The following CDH4 variants were observed in gnomAD, a reference collection of about 807,000 sequenced individuals.
The protein encoded by CDH4 is cadherin 4, also known as cadherin-4.
In CDH4, 33 loss-of-function variants were observed where a neutral mutation model predicts 86.0. That is an observed-to-expected ratio of 0.38 (90% CI 0.29 to 0.51). CDH4 has a LOEUF of 0.51. Among genes scored for constraint, CDH4 ranks in the 20% least tolerant of loss-of-function variants. The pLI is 0.86. For synonymous variants in CDH4, 555 were observed against 549.4 expected (o/e 1.01, Z -0.14); for missense variants, 1,114 against 1,307.4 (o/e 0.85, Z 2.28).
At chr20:61,824,043 A>G (rs909307118) in intron 4 of CDH4, among the ~76,000 whole-genome samples, 1 of 152,118 alleles carries the variant, frequency 6.6e-6, no homozygotes, top group African/African-American at 2.4e-5. Flanking sequence ...ACGTCAGCCT[A>G]TTTTCTTTTT....
At chr20:61,439,731 C>G (rs905990267) in intron 2 of CDH4, among the ~76,000 whole-genome samples, 1 of 152,226 alleles carries the variant, frequency 6.6e-6, no homozygotes, top group Non-Finnish European at 1.5e-5. Flanking sequence ...GGCATAAGCC[C>G]CTCCCTCTGA....
At chr20:61,353,079 G>A (rs950581149) in intron 2 of CDH4, among the ~76,000 whole-genome samples, 2 of 152,150 alleles carry the variant, frequency 1.3e-5, no homozygotes, top group African/African-American at 4.8e-5. Flanking sequence ...CGCCACAGGG[G>A]CTCTCGCCTG....
At chr20:61,633,049 T>A (rs1253426680) in intron 2 of CDH4, among the ~76,000 whole-genome samples, 1 of 150,840 alleles carries the variant, frequency 6.6e-6, no homozygotes, top group African/African-American at 2.4e-5. Context: ...TATCCATCCA[T>A]CCATCTCTTC....
chr20:61,691,336 T>C (rs1417920342), intron 2 of CDH4, among the ~76,000 whole-genome samples: 1 of 151,658 alleles, frequency 6.6e-6, no homozygotes, highest in African/African-American at 2.4e-5. Context: ...AGTGGATGTG[T>C]GTATGTGTGT....
intron 3 of CDH4, among the ~76,000 whole-genome samples, chr20:61,765,937 C>T (rs1028587911): frequency 2.0e-5 from 3 of 152,092 alleles, no homozygotes; most frequent in Non-Finnish European, 4.4e-5. Context: ...GAATGCCGGA[C>T]TCTGATTGGC....
In CDH4 at chr20:61,937,156, C is replaced by G. The variant is rs1269178693; in HGVS notation, c.*213C>G. Reference sequence around the variant, plus strand: ...CTGCCCAGCACCGCGCTGGCTGGCACTGAAGGACAGCAAGAGGCACTCTGT... The same window carrying G: ...CTGCCCAGCACCGCGCTGGCTGGCAGTGAAGGACAGCAAGAGGCACTCTGT... On this transcript the variant is annotated 3_prime_UTR_variant, in exon 16 of 16. Coordinates refer to ENST00000614565, the MANE Select transcript of CDH4 (RefSeq NM_001794.5). The G allele has an allele frequency of 4.7e-5, 14 of 297,060 alleles. No individual in the cohort carries two copies. The Admixed American group carries it at 7.7e-4, about 16-fold the overall frequency. 18.4% of individuals were successfully genotyped at this position (297,060 alleles called of 1,614,324 possible). A position where few individuals can be genotyped will look rare whatever the true frequency, so the allele number is the denominator to read the frequency against.
chr20:61,609,695 T>G (rs1285893825), intron 2 of CDH4, among the ~76,000 whole-genome samples: 1 of 152,198 alleles, frequency 6.6e-6, no homozygotes, highest in East Asian at 1.9e-4. Flanking sequence ...CCTCGTGTCT[T>G]CCCTAATCCA....
At chr20:61,852,710 G>A (rs764140041) in intron 5 of CDH4, 44 bp from the exon 6 acceptor site, 1 of 1,589,208 alleles carries the variant, frequency 6.3e-7, no homozygotes, top group Non-Finnish European at 8.6e-7. Flanking sequence ...AGCTGAGTGG[G>A]GGTGCCCACC....
intron 3 of CDH4, among the ~76,000 whole-genome samples, chr20:61,755,711 C>T (rs946957813): frequency 7.0e-6 from 1 of 143,528 alleles, no homozygotes; most frequent in Non-Finnish European, 1.6e-5. Flanking sequence ...ATACCACATA[C>T]ATGAATCGCA....
chr20:61,599,861 C>T lies in CDH4; in HGVS notation c.170-143702C>T, dbSNP rs545933715. 53 of 985,582 alleles carry T rather than the reference C, an allele frequency of 5.4e-5. 2 individuals are homozygous for T. The South Asian group carries it at 2.3e-3, about 44-fold the overall frequency. 61.1% of individuals were successfully genotyped at this position (985,582 alleles called of 1,614,324 possible). On this transcript the variant is annotated intron_variant, in intron 2 of 15. Transcript: ENST00000614565. ...GAAGCCCGCTTCCCTTCGCCGCACA[C>T]AACACAGGAGCAATCTTCTCAGCCG...
rs2055244285 is a variant in CDH4, at chr20:61,940,019, G to A, written c.*3076G>A. ...GCCGACACACACAGTCCACTGAGAT[G>A]ATAATTCTGTTCTCTCCAAAGCAAA... On this transcript the variant is annotated 3_prime_UTR_variant, in exon 16 of 16. Transcript: ENST00000614565. 1 of 152,256 alleles carries A rather than the reference G, an allele frequency of 6.6e-6. No individual in the cohort carries two copies. Among genetic ancestry groups the A allele is most frequent in the Non-Finnish European group, 1.5e-5 (1 of 68,058 alleles). The allele number at this position is 152,256 out of a possible 1,614,324, so 9.4% of individuals were successfully genotyped here. A position where few individuals can be genotyped will look rare whatever the true frequency, so the allele number is the denominator to read the frequency against.
intron 4 of CDH4, among the ~76,000 whole-genome samples, chr20:61,826,859 G>A (rs1981340910): frequency 1.3e-5 from 2 of 152,112 alleles, no homozygotes; most frequent in African/African-American, 2.4e-5. Context: ...AGGTTCTGCA[G>A]TCCACAGAGA....
At position 61,731,132 on chromosome 20, in the gene CDH4, T is replaced by C. The variant is rs571563617; in HGVS notation, c.170-12431T>C. Reference sequence around the variant, plus strand: ...GGCCCATCACGGCAGGGTCCTCTCATCTGCAGAGCATGAGGGCGTCCGAGT... The same window carrying C: ...GGCCCATCACGGCAGGGTCCTCTCACCTGCAGAGCATGAGGGCGTCCGAGT... On this transcript the variant is annotated intron_variant, in intron 2 of 15. Transcript: ENST00000614565. 9.9e-4 allele frequency among the ~76,000 whole-genome samples: 150 copies of C among 152,132 alleles called. 1 individual carries two copies. The highest frequency in any genetic ancestry group is 3.4e-3 in the African/African-American group (141 of 41,518).
rs370796853 is a variant in CDH4 at position 61,530,137 on chromosome 20, A to T, written c.170-213426A>T. Among the ~76,000 whole-genome samples the T allele has an allele frequency of 2.0e-4, 30 of 152,240 alleles. 1 individual carries two copies. In the East Asian group the frequency reaches 4.8e-3, roughly 25 times the overall value. ...AACCTCCGCCTCCCAGGTTCAAGCG[A>T]TTCTCCTGCCTCAGCCTCCTGAGTA... On this transcript the variant is annotated intron_variant, in intron 2 of 15. Coordinates refer to ENST00000614565, the MANE Select transcript of CDH4 (RefSeq NM_001794.5).
chr20:61,494,044 C>A (rs1163684965), intron 2 of CDH4, among the ~76,000 whole-genome samples: 1 of 152,180 alleles, frequency 6.6e-6, no homozygotes, highest in East Asian at 1.9e-4. Flanking sequence ...AAAGAGCAGG[C>A]TGGGGAGAAA....
rs1008094191 is a variant in CDH4, at chr20:61,623,206, G to A, written c.170-120357G>A. Among the ~76,000 whole-genome samples the A allele has an allele frequency of 1.3e-5, 2 of 152,086 alleles. No individual in the cohort carries two copies. Among genetic ancestry groups the A allele is most frequent in the South Asian group, 4.2e-4 (2 of 4,818 alleles). ...AATCTCGACCCTGCCTATGCCAGCC[G>A]CTGGCTCACCCCACCTGCCACGCTG... On this transcript the variant is annotated intron_variant, in intron 2 of 15. Coordinates refer to ENST00000614565, the MANE Select transcript of CDH4 (RefSeq NM_001794.5). This position sits in a 1 kb window ranked among gnomAD's most constrained non-coding sequence, Gnocchi z 4.4.
At chr20:61,304,787 G>A (rs1371508949) in intron 2 of CDH4, among the ~76,000 whole-genome samples, 1 of 151,824 alleles carries the variant, frequency 6.6e-6, no homozygotes, top group East Asian at 1.9e-4. Flanking sequence ...GTGTGTGTGT[G>A]TGCAATGCAT....
At position 61,285,630 on chromosome 20, in the gene CDH4, C is replaced by T. The variant is rs542924769; in HGVS notation, c.169+30693C>T. Among the ~76,000 whole-genome samples the T allele has an allele frequency of 1.6e-4, 24 of 152,336 alleles. 1 individual carries two copies. The South Asian group carries it at 5.0e-3, about 32-fold the overall frequency. On this transcript the variant is annotated intron_variant, in intron 2 of 15. Coordinates refer to ENST00000614565, the MANE Select transcript of CDH4 (RefSeq NM_001794.5). ...GATAAAGGAAATGAAACATTATTAA[C>T]CATTGATGGATAGTGTATTCAGTTT...
At chr20:61,351,373 A>G (rs2084711440) in intron 2 of CDH4, among the ~76,000 whole-genome samples, 1 of 152,180 alleles carries the variant, frequency 6.6e-6, no homozygotes, top group South Asian at 2.1e-4. Context: ...GATTCTACGC[A>G]CACACTGTGC....
Sources: gnomAD v4.1 joint callset for allele counts (sites outside exome capture counted in the v4.1 genomes callset) on GRCh38, gnomAD v4.1.1 for gene constraint, Gnocchi (gnomAD v3.1) non-coding constraint, MANE v1.5 for transcripts, NCBI Gene and HGNC (gene_info 2026-07-23, HGNC 2026-07-21) for gene names.